Variants in SNW1 observed in about 807,000 individuals in gnomAD.
SNW1 encodes the protein SNW domain-containing protein 1.
A neutral mutation model predicts 75.6 loss-of-function variants in SNW1; 9 were observed. The ratio of observed to expected loss-of-function variants is 0.12; its 90% confidence interval spans 0.07 to 0.21. The LOEUF (loss-of-function observed/expected upper bound fraction) is 0.21. SNW1 is among the 10% of genes least tolerant of loss of function. The pLI is 1.00. For synonymous variants in SNW1, 200 were observed against 219.1 expected (o/e 0.91, Z 0.77); for missense variants, 409 against 670.9 (o/e 0.61, Z 4.31).
At chr14:77,758,737 T>A (rs977830176) in intron 1 of SNW1, among the ~76,000 whole-genome samples, 7 of 152,220 alleles carry the variant, frequency 4.6e-5, no homozygotes, top group Non-Finnish European at 1.0e-4. Flanking sequence ...AGTATAAAAT[T>A]AAAACAAACT....
At chr14:77,729,028 C>G (rs1038497424) in intron 10 of SNW1, among the ~76,000 whole-genome samples, 1 of 152,144 alleles carries the variant, frequency 6.6e-6, no homozygotes, top group Non-Finnish European at 1.5e-5. Flanking sequence ...TACAACCAGG[C>G]AGGTATTTAT....
At chr14:77,755,511 TG>T (rs1415066547) in intron 1 of SNW1, among the ~76,000 whole-genome samples, 1 of 152,120 alleles carries the variant, frequency 6.6e-6, no homozygotes, top group East Asian at 1.9e-4. Context: ...CTCTGCCTCC[TG>T]GGTTCAAGTG....
chr14:77,739,806 A>G (rs1328840587), intron 3 of SNW1, among the ~76,000 whole-genome samples: 4 of 152,090 alleles, frequency 2.6e-5, no homozygotes, highest in African/African-American at 7.2e-5. Flanking sequence ...AAATATTTTC[A>G]TAACAATTTA....
At chr14:77,749,492 C>T (rs538786884) in intron 3 of SNW1, among the ~76,000 whole-genome samples, 1 of 152,274 alleles carries the variant, frequency 6.6e-6, no homozygotes, top group South Asian at 2.1e-4. Context: ...TAAGAAAGGC[C>T]AGGCAGCCTC....
chr14:77,721,912 T>C (rs1346515091), intron 11 of SNW1, among the ~76,000 whole-genome samples: 2 of 152,134 alleles, frequency 1.3e-5, no homozygotes, highest in African/African-American at 4.8e-5. Flanking sequence ...CACACCCAGC[T>C]AATTTTTGCA....
chr14:77,750,476 T>G (rs1464178849), intron 3 of SNW1, among the ~76,000 whole-genome samples: 1 of 152,174 alleles, frequency 6.6e-6, no homozygotes, highest in African/African-American at 2.4e-5. Flanking sequence ...CATAATTGTC[T>G]TCCCCCAAAG....
rs754262368 is a variant in SNW1, at chr14:77,718,161, C to G, written c.1538G>C (p.Gly513Ala). Reference sequence around the variant, plus strand: ...GCTGCTATCTGAGGGTCTTTTAGAGCCACCATGCTGTTTGGCTTCTTCCAA... The same window carrying G: ...GCTGCTATCTGAGGGTCTTTTAGAGGCACCATGCTGTTTGGCTTCTTCCAA... ...KFLEEAKQHG[G>A]SKRPSDSSRP... Residue 513 changes from glycine (G) to alanine (A), a missense_variant, in exon 14 of 14, where the codon GGC becomes GCC. Transcript: ENST00000261531. The G allele has an allele frequency of 2.5e-5, 41 of 1,613,344 alleles. No individual in the cohort carries two copies. The highest frequency in any genetic ancestry group is 3.1e-5 in the Non-Finnish European group (37 of 1,179,774).
chr14:77,759,317 G>C (rs1461451611), intron 1 of SNW1, among the ~76,000 whole-genome samples: 1 of 151,922 alleles, frequency 6.6e-6, no homozygotes, highest in Non-Finnish European at 1.5e-5. Context: ...TCAAGACCAG[G>C]CTGGGCAACA....
chr14:77,733,770 C>CA (rs2080647260), intron 8 of SNW1, among the ~76,000 whole-genome samples: 1 of 116,498 alleles, frequency 8.6e-6, no homozygotes, highest in Non-Finnish European at 1.9e-5. Context: ...AAAAAAAAAC[C>CA]AAAGAAAAAA....
intron 3 of SNW1, 46 bp downstream of exon 3, chr14:77,751,273 T>G: frequency 2.6e-6 from 4 of 1,552,480 alleles, no homozygotes; most frequent in Non-Finnish European, 3.5e-6. Context: ...AAATTTAAAA[T>G]GTTTCCTAAA....
intron 3 of SNW1, among the ~76,000 whole-genome samples, chr14:77,742,034 C>G (rs1434598083): frequency 6.6e-6 from 1 of 150,598 alleles, no homozygotes; most frequent in South Asian, 2.1e-4. Flanking sequence ...TAAAACCCCC[C>G]ATTTTTTTTT....
At chr14:77,749,066 A>C (rs760923903) in intron 3 of SNW1, among the ~76,000 whole-genome samples, 8 of 152,300 alleles carry the variant, frequency 5.3e-5, no homozygotes, top group South Asian at 2.1e-4. Context: ...ACTTTAGGGA[A>C]ATCTAGATAC....
intron 1 of SNW1, among the ~76,000 whole-genome samples, chr14:77,759,091 T>C (rs1383630022): frequency 6.6e-6 from 1 of 152,264 alleles, no homozygotes; most frequent in East Asian, 1.9e-4. Flanking sequence ...ATGTGTTTAC[T>C]GATTTAAAGG....
intron 1 of SNW1, 93 bp from the exon 2 acceptor site, chr14:77,755,213 G>T: frequency 8.9e-7 from 1 of 1,129,294 alleles, no homozygotes; most frequent in Non-Finnish European, 1.3e-6. Context: ...TTTTTCCTAC[G>T]ATGCTTTTAC....
chr14:77,747,851 G>A (rs1158009329), intron 3 of SNW1, among the ~76,000 whole-genome samples: 7 of 144,220 alleles, frequency 4.9e-5, no homozygotes, highest in African/African-American at 1.5e-4. Flanking sequence ...GCCTCTGCCC[G>A]GCCGCCCCGT....
At position 77,735,009 on chromosome 14, in the gene SNW1, T is replaced by A; in HGVS notation, c.712A>T (p.Thr238Ser). ...PVMHSPSRKM[T>S]VKEQQEWKIP... ...TTCCACTCTTGTTGTTCCTTTACAG[T>A]CATCTGAGAGAAGAGGGAAAGAAGA... Residue 238 changes from threonine to serine, a missense_variant, in exon 8 of 14, where the codon ACT (threonine) becomes TCT (serine). Thr to Ser is a moderately conservative substitution (Grantham distance 58, BLOSUM62 1). Coordinates refer to ENST00000261531, the MANE Select transcript of SNW1 (RefSeq NM_012245.3). The A allele has an allele frequency of 6.2e-7, 1 of 1,605,064 alleles. No homozygotes were observed. The highest frequency in any genetic ancestry group is 8.5e-7 in the Non-Finnish European group (1 of 1,172,804).
chr14:77,720,627 C>A (rs1230787373), intron 12 of SNW1, 84 bp downstream of exon 12: 1 of 915,202 alleles, frequency 1.1e-6, no homozygotes, highest in African/African-American at 1.6e-5. Flanking sequence ...CATTTACATC[C>A]AAATGTAAAG....
intron 10 of SNW1, among the ~76,000 whole-genome samples, chr14:77,724,574 T>C (rs2080569829): frequency 6.6e-6 from 1 of 152,202 alleles, no homozygotes; most frequent in Non-Finnish European, 1.5e-5. Flanking sequence ...GAGACCAACT[T>C]TTTTAGCTCC....
chr14:77,721,132 T>C (rs2080537079), intron 11 of SNW1: 1 of 263,900 alleles, frequency 3.8e-6, no homozygotes, highest in Non-Finnish European at 7.2e-6. Flanking sequence ...AAAATTGCTA[T>C]GGTCTATATT....
Sources: allele counts gnomAD v4.1 joint callset (sites outside exome capture counted in the v4.1 genomes callset), GRCh38; gene constraint gnomAD v4.1.1; transcripts MANE v1.5; gene names NCBI Gene and HGNC (gene_info 2026-07-23, HGNC 2026-07-21).